Variants in NOMO1 observed in about 807,000 individuals in gnomAD.
NOMO1 encodes the protein nodal modulator 3.
Under a neutral mutation model 133.8 loss-of-function variants are expected in NOMO1, and 40 were observed. The observed-to-expected ratio is 0.30, with a 90% confidence interval of 0.23 to 0.39. NOMO1 has a LOEUF of 0.39. Among genes scored for constraint, NOMO1 ranks in the 10% least tolerant of loss-of-function variants. NOMO1 has a pLI of 1.00. For missense variants in NOMO1, 462 were observed against 1,419.9 expected (o/e 0.33, Z 10.84); for synonymous variants, 236 against 570.5 (o/e 0.41, Z 8.36).
chr16:14,864,791 T>C, intron 13 of NOMO1, 65 bp downstream of exon 13: 1 of 1,613,064 alleles, frequency 6.2e-7, no homozygotes, highest in South Asian at 1.1e-5. Context: ...GAGTGGGATT[T>C]GGGAAACTTT....
At chr16:14,842,469 A>C (rs1187062689) in intron 3 of NOMO1, among the ~76,000 whole-genome samples, 3 of 150,242 alleles carry the variant, frequency 2.0e-5, no homozygotes, top group Non-Finnish European at 3.0e-5. Flanking sequence ...CCAAAGCAGA[A>C]GTCCAGATTG....
At chr16:14,845,233 C>T (rs2606849) in intron 4 of NOMO1, among the ~76,000 whole-genome samples, 10 of 151,978 alleles carry the variant, frequency 6.6e-5, no homozygotes, top group Non-Finnish European at 7.4e-5. Context: ...AGATGGGCTT[C>T]TGCTGTGTTG....
At chr16:14,839,356 C>T (rs1427745955) in intron 2 of NOMO1, among the ~76,000 whole-genome samples, 1 of 151,966 alleles carries the variant, frequency 6.6e-6, no homozygotes, top group Non-Finnish European at 1.5e-5. Context: ...GTTTCCGGCC[C>T]TCTTATAAAA....
At chr16:14,883,382 G>T (rs1964273509) in intron 26 of NOMO1, among the ~76,000 whole-genome samples, 1 of 151,170 alleles carries the variant, frequency 6.6e-6, no homozygotes, top group Non-Finnish European at 1.5e-5. Context: ...TGTCACGCAG[G>T]ATGGAGTGCA....
intron 14 of NOMO1, among the ~76,000 whole-genome samples, chr16:14,866,062 T>C (rs1254636918): frequency 1.4e-5 from 2 of 145,792 alleles, no homozygotes; most frequent in African/African-American, 5.1e-5. Flanking sequence ...CCAGTTTTTC[T>C]TTCTTTTTTT....
rs1597115801 is a variant in NOMO1, at chr16:14,886,626, G to A, written c.3223-135G>A. The A allele has an allele frequency of 5.8e-6, 7 of 1,211,804 alleles. No individual in the cohort carries two copies. The East Asian group carries it at 1.7e-4, about 30-fold the overall frequency. 75.1% of individuals were successfully genotyped at this position (1,211,804 alleles called of 1,614,324 possible). On this transcript the variant is annotated intron_variant, in intron 27 of 30. Transcript: ENST00000287667. ...GACAGAGGGATGTGTGATGTCTATG[G>A]AGGGAGCTTTCTTTTTCAAATATCC... is the stretch of plus-strand genomic sequence containing the variant.
At chr16:14,873,878 G>C (rs1367717473) in intron 18 of NOMO1, among the ~76,000 whole-genome samples, 2 of 151,656 alleles carry the variant, frequency 1.3e-5, no homozygotes, top group Non-Finnish European at 2.9e-5. Context: ...TTCTGATTCA[G>C]ATATGGCAGC....
rs933164746 is a variant in NOMO1 at position 14,866,443 on chromosome 16, A to G, written c.1670-112A>G. ...TGTATATTTCTATCTTTATGTCTAC[A>G]TACACACCTGCTTTTTAAAATTGAT... On this transcript the variant is annotated intron_variant, in intron 14 of 30. Coordinates refer to ENST00000287667, the MANE Select transcript of NOMO1 (RefSeq NM_014287.4). The G allele has an allele frequency of 3.1e-6, 5 of 1,600,022 alleles. No individual in the cohort carries two copies. The African/African-American group carries it at 4.1e-5, about 13-fold the overall frequency.
rs563400074 is a variant in NOMO1 at position 14,846,379 on chromosome 16, G to A, written c.403-198G>A. Among the ~76,000 whole-genome samples, 237 of 148,438 alleles carry A rather than the reference G, an allele frequency of 1.6e-3. 4 individuals are homozygous for A. Among genetic ancestry groups the A allele is most frequent in the Admixed American group, 3.5e-3 (53 of 14,990 alleles). On this transcript the variant is annotated intron_variant, in intron 4 of 30. Coordinates refer to ENST00000287667, the MANE Select transcript of NOMO1 (RefSeq NM_014287.4). ...ATGATGTCTTAGATTCATTGAAATA[G>A]AGTCTTATTTTACTGTTACTGTTCC...
intron 11 of NOMO1, among the ~76,000 whole-genome samples, chr16:14,860,967 G>A (rs2151897787): frequency 6.9e-6 from 1 of 145,984 alleles, no homozygotes; most frequent in East Asian, 2.0e-4. Flanking sequence ...TGATTCTCCT[G>A]CCCCAGCCTC....
intron 11 of NOMO1, among the ~76,000 whole-genome samples, chr16:14,860,516 G>C (rs2925568): frequency 3.1e-4 from 47 of 151,992 alleles, no homozygotes; most frequent in African/African-American, 4.8e-4. Flanking sequence ...ATGAGGCAGT[G>C]GTGGTTGTCT....
intron 11 of NOMO1, among the ~76,000 whole-genome samples, chr16:14,858,853 G>A (rs1039338538): frequency 1.3e-5 from 2 of 152,078 alleles, no homozygotes; most frequent in African/African-American, 4.8e-5. Flanking sequence ...AAGCAGAGAC[G>A]ACAAGGGCTT....
chr16:14,878,218 G>A (rs1436565108), intron 22 of NOMO1, among the ~76,000 whole-genome samples: 1 of 133,722 alleles, frequency 7.5e-6, no homozygotes, highest in Non-Finnish European at 1.6e-5. Flanking sequence ...TCTGGGCGGG[G>A]CACGGTGGCT....
chr16:14,866,835 G>A (rs963592442), intron 15 of NOMO1, 144 bp downstream of exon 15: 35 of 1,552,002 alleles, frequency 2.3e-5, no homozygotes, highest in South Asian at 4.7e-5. Context: ...GTTACGCAAC[G>A]CATAATCAGG....
chr16:14,856,687 C>T (rs1597098493), intron 9 of NOMO1, among the ~76,000 whole-genome samples: 1 of 151,956 alleles, frequency 6.6e-6, no homozygotes, highest in South Asian at 2.1e-4. Context: ...GCTGGGATTA[C>T]AGGCGTGAAC....
At chr16:14,873,280 G>C (rs1195784843) in intron 18 of NOMO1, among the ~76,000 whole-genome samples, 1 of 125,738 alleles carries the variant, frequency 8.0e-6, no homozygotes, top group Admixed American at 8.0e-5. Context: ...GTTTTACATA[G>C]AGGAATGACA....
chr16:14,874,502 G>C (rs957756862), intron 18 of NOMO1, among the ~76,000 whole-genome samples: 1 of 152,084 alleles, frequency 6.6e-6, no homozygotes, highest in African/African-American at 2.4e-5. Flanking sequence ...GAAAGGCCTT[G>C]ACTGTCCCTT....
chr16:14,886,905 T>C, intron 28 of NOMO1, 43 bp downstream of exon 28: 2 of 1,591,052 alleles, frequency 1.3e-6, no homozygotes, highest in East Asian at 2.2e-5. Context: ...TTTGTTTTAA[T>C]AATTCTGCTG....
At chr16:14,894,835 C>G (rs1964458339) in intron 29 of NOMO1, among the ~76,000 whole-genome samples, 163 bp from the exon 30 acceptor site, 1 of 152,246 alleles carries the variant, frequency 6.6e-6, no homozygotes, top group Non-Finnish European at 1.5e-5. Flanking sequence ...ATCCAAATCA[C>G]TTTGGTTCCT....
Sources: gnomAD v4.1 joint callset for allele counts (sites outside exome capture counted in the v4.1 genomes callset) on GRCh38, gnomAD v4.1.1 for gene constraint, MANE v1.5 for transcripts, NCBI Gene and HGNC (gene_info 2026-07-23, HGNC 2026-07-21) for gene names.